PEX7: variants seen among roughly 807,000 people sequenced by gnomAD.
PEX7 encodes the protein peroxisomal biogenesis factor 7.
PEX7 carries 34 observed loss-of-function variants against 47.5 expected under a neutral mutation model. That is an observed-to-expected ratio of 0.72 (90% CI 0.54 to 0.95). The LOEUF is 0.95. PEX7 is among the 40% of genes least tolerant of loss of function. The pLI, the probability that PEX7 is intolerant of heterozygous loss-of-function variation, is 0.00. For synonymous variants in PEX7, 141 were observed against 148.8 expected (o/e 0.95, Z 0.38); for missense variants, 394 against 400.3 (o/e 0.98, Z 0.13).
intron 9 of PEX7, among the ~76,000 whole-genome samples, chr6:136,906,496 G>T (rs926194680): frequency 4.6e-5 from 7 of 151,812 alleles, no homozygotes; most frequent in African/African-American, 1.5e-4. Flanking sequence ...GTGTGTGTGT[G>T]CATGTGTGTG....
At chr6:136,874,790 G>A (rs930893680) in intron 8 of PEX7, among the ~76,000 whole-genome samples, 2 of 151,918 alleles carry the variant, frequency 1.3e-5, no homozygotes, top group Non-Finnish European at 2.9e-5. Context: ...ATATCTAGTG[G>A]TATGTTTATT....
At chr6:136,886,184 G>A (rs1313269798) in intron 8 of PEX7, among the ~76,000 whole-genome samples, 4 of 152,260 alleles carry the variant, frequency 2.6e-5, no homozygotes, top group South Asian at 2.1e-4. Context: ...CTCCTTGGAG[G>A]TGAAAGAGAA....
intron 8 of PEX7, among the ~76,000 whole-genome samples, chr6:136,885,750 A>G (rs1775457605): frequency 6.6e-6 from 1 of 152,200 alleles, no homozygotes; most frequent in African/African-American, 2.4e-5. Context: ...CACAAATGTA[A>G]ATAGGGAGTA....
At position 136,876,605 on chromosome 6, in the gene PEX7, C is replaced by T. The variant is rs546946876; in HGVS notation, c.803+4352C>T. Among the ~76,000 whole-genome samples, 3 of 152,252 alleles carry T rather than the reference C, an allele frequency of 2.0e-5. No individual in the cohort carries two copies. In the South Asian group the frequency reaches 6.2e-4, roughly 32 times the overall value. ...ACACGCGGTGTTCGGTTTTCTGTTCCTGTGTTAGTTTGCTGAGAATGATGT... is the reference window on the plus strand; with the variant it reads ...ACACGCGGTGTTCGGTTTTCTGTTCTTGTGTTAGTTTGCTGAGAATGATGT... On this transcript the variant is annotated intron_variant, in intron 8 of 9. Transcript: ENST00000318471.
At chr6:136,878,438 G>T (rs1287862380) in intron 8 of PEX7, among the ~76,000 whole-genome samples, 2 of 152,056 alleles carry the variant, frequency 1.3e-5, no homozygotes, top group African/African-American at 4.8e-5. Flanking sequence ...AGTGGCTGTG[G>T]GTTTGTCATA....
intron 3 of PEX7, among the ~76,000 whole-genome samples, chr6:136,829,378 A>G (rs940227893): frequency 4.6e-5 from 7 of 152,176 alleles, no homozygotes; most frequent in African/African-American, 1.7e-4. Context: ...TTGTATCTGC[A>G]GGTGGTGGAA....
rs1554328961 is a variant in PEX7, at chr6:136,826,355, G to C, written c.225G>C (p.Trp75Cys). Reference protein sequence around the residue: ...DWNDGLFDVTWSENNEHVLIT... With the variant: ...DWNDGLFDVTCSENNEHVLIT... ...ATGATGGTTTGTTTGATGTGACTTGGAGTGAGAACAACGAACATGTCCTCA... is the reference window on the plus strand; with the variant it reads ...ATGATGGTTTGTTTGATGTGACTTGCAGTGAGAACAACGAACATGTCCTCA... The change falls in exon 3 of 10, where the codon TGG (tryptophan) becomes TGC (cysteine). Residue 75 changes from tryptophan to cysteine, a missense_variant. Trp to Cys is a radical substitution (Grantham distance 215, BLOSUM62 -2). Transcript: ENST00000318471. 1 of 1,613,930 alleles carries C rather than the reference G, an allele frequency of 6.2e-7. No homozygotes were observed. The highest frequency in any genetic ancestry group is 1.1e-5 in the South Asian group (1 of 91,048).
At chr6:136,881,971 C>T (rs886646449) in intron 8 of PEX7, among the ~76,000 whole-genome samples, 3 of 151,982 alleles carry the variant, frequency 2.0e-5, no homozygotes, top group African/African-American at 4.8e-5. Context: ...AGATCTTTAA[C>T]GTAAGTTAAA....
chr6:136,900,489 G>C lies in PEX7; in HGVS notation c.903+2248G>C. On this transcript the variant is annotated intron_variant, in intron 9 of 9. Coordinates refer to ENST00000318471, the MANE Select transcript of PEX7 (RefSeq NM_000288.4). This position sits in a 1 kb window ranked among gnomAD's most constrained non-coding sequence, Gnocchi z 4.2. ...CCCCCCAGTGACAGCAGATCTCATC[G>C]TGTCTGTCATTGTAATTGGTCCTGA... 2 of 479,622 alleles carry C rather than the reference G, an allele frequency of 4.2e-6. No individual in the cohort carries two copies. The highest frequency in any genetic ancestry group is 1.5e-5 in the South Asian group (1 of 65,504). 29.7% of individuals were successfully genotyped at this position (479,622 alleles called of 1,614,324 possible).
intron 9 of PEX7, among the ~76,000 whole-genome samples, chr6:136,912,118 G>T (rs187905406): frequency 2.6e-5 from 4 of 152,034 alleles, no homozygotes. Context: ...AGTTGTATTG[G>T]TTCTTTATGT....
intron 8 of PEX7, among the ~76,000 whole-genome samples, chr6:136,882,104 A>G (rs1322997352): frequency 6.6e-6 from 1 of 152,098 alleles, no homozygotes. Flanking sequence ...GGGTGATTAC[A>G]AGAAATATAT....
At position 136,900,577 on chromosome 6, in the gene PEX7, G is replaced by A; in HGVS notation, c.903+2336G>A. 1 of 395,422 alleles carries A rather than the reference G, an allele frequency of 2.5e-6. No individual in the cohort carries two copies. The highest frequency in any genetic ancestry group is 5.0e-6 in the Non-Finnish European group (1 of 201,668). 24.5% of individuals were successfully genotyped at this position (395,422 alleles called of 1,614,324 possible). On this transcript the variant is annotated intron_variant, in intron 9 of 9. Transcript: ENST00000318471. This position sits in a 1 kb window ranked among gnomAD's most constrained non-coding sequence, Gnocchi z 4.2. ...CGAGTTAATCTGTGTGAAGGTGATG[G>A]TGGTGTGGGTCATCCTGTGAACCAG...
intron 9 of PEX7, among the ~76,000 whole-genome samples, chr6:136,902,243 T>G (rs1775765101): frequency 6.6e-6 from 1 of 152,238 alleles, no homozygotes; most frequent in Non-Finnish European, 1.5e-5. Context: ...TTCATATACC[T>G]ATTGTCTTTT....
chr6:136,897,847 T>C (rs1775678174), intron 8 of PEX7, among the ~76,000 whole-genome samples: 1 of 152,138 alleles, frequency 6.6e-6, no homozygotes, highest in Non-Finnish European at 1.5e-5. Flanking sequence ...TATAAAAACA[T>C]TTTTTAAATT....
At chr6:136,902,455 A>G (rs1775768712) in intron 9 of PEX7, among the ~76,000 whole-genome samples, 2 of 152,234 alleles carry the variant, frequency 1.3e-5, no homozygotes, top group East Asian at 1.9e-4. Context: ...AGAATGTAAG[A>G]TCTTGTCTTT....
chr6:136,824,064 T>C (rs1774140334), intron 1 of PEX7, among the ~76,000 whole-genome samples: 1 of 152,152 alleles, frequency 6.6e-6, no homozygotes, highest in Admixed American at 6.5e-5. Flanking sequence ...CAGAAAAAAA[T>C]GTTACTTCTA....
At chr6:136,862,439 G>C (rs541799588) in intron 5 of PEX7, among the ~76,000 whole-genome samples, 4 of 151,632 alleles carry the variant, frequency 2.6e-5, no homozygotes, top group Admixed American at 2.6e-4. Flanking sequence ...ACAGTGGTGC[G>C]ATCATGGCTC....
chr6:136,861,297 G>C (rs918377933), intron 5 of PEX7, among the ~76,000 whole-genome samples: 5 of 151,976 alleles, frequency 3.3e-5, no homozygotes, highest in African/African-American at 9.7e-5. Flanking sequence ...TGCCCAGGCT[G>C]GTCTGGAACT....
Position 136,913,772 on chromosome 6 carries a change from C to G in PEX7, c.*246C>G. ...AATGTTATGATATATCTTGTAGTAT[C>G]TATTAAAATGTCTCTGGGTCATAAA... On this transcript the variant is annotated 3_prime_UTR_variant, in exon 10 of 10. Coordinates refer to ENST00000318471, the MANE Select transcript of PEX7 (RefSeq NM_000288.4). 2.3e-6 allele frequency: 1 copy of G among 442,448 alleles called. No individual in the cohort carries two copies. Among genetic ancestry groups the G allele is most frequent in the Non-Finnish European group, 4.0e-6 (1 of 252,624 alleles). The allele number at this position is 442,448 out of a possible 1,614,324, so 27.4% of individuals were successfully genotyped here.
Sources: gnomAD v4.1 joint callset for allele counts (sites outside exome capture counted in the v4.1 genomes callset) on GRCh38, gnomAD v4.1.1 for gene constraint, Gnocchi (gnomAD v3.1) non-coding constraint, MANE v1.5 for transcripts, NCBI Gene and HGNC (gene_info 2026-07-23, HGNC 2026-07-21) for gene names.